SPAG1: variants seen among roughly 807,000 people sequenced by gnomAD.
The protein encoded by SPAG1 is sperm-associated antigen 1.
A neutral mutation model predicts 100.5 loss-of-function variants in SPAG1; 69 were observed. The ratio of observed to expected loss-of-function variants is 0.69; its 90% CI spans 0.57 to 0.84. The LOEUF is 0.84. Ranked by LOEUF, SPAG1 falls within the 40% of genes least tolerant of loss-of-function variation. The pLI is 0.00. For synonymous variants in SPAG1, 336 were observed against 411.6 expected, an observed-to-expected ratio of 0.82 and a Z score of 2.22; for missense variants, 955 against 1,133.1, an observed-to-expected ratio of 0.84 and a Z score of 2.26.
At chr8:100,220,145 T>C in intron 12 of SPAG1, 134 bp from the exon 13 acceptor site, 3 of 676,870 alleles carry the variant, frequency 4.4e-6, no homozygotes, top group Non-Finnish European at 7.1e-6. Flanking sequence ...TTCTGGCATG[T>C]TGCCTGGTTC....
At chr8:100,189,876 G>T (rs115679311) in intron 8 of SPAG1, among the ~76,000 whole-genome samples, 3 of 152,100 alleles carry the variant, frequency 2.0e-5, no homozygotes, top group Non-Finnish European at 4.4e-5. Flanking sequence ...TATTTAAAGT[G>T]CAGTGCTACA....
At chr8:100,222,980 T>C (rs1433089880) in intron 13 of SPAG1, among the ~76,000 whole-genome samples, 1 of 152,148 alleles carries the variant, frequency 6.6e-6, no homozygotes, top group East Asian at 1.9e-4. Flanking sequence ...TCTCTACGGG[T>C]TTATCTGTTC....
In SPAG1 at chr8:100,229,418, C is replaced by T. The variant is rs568178763; in HGVS notation, c.1856-1738C>T. Among the ~76,000 whole-genome samples the T allele has an allele frequency of 3.3e-5, 5 of 151,984 alleles. No homozygotes were observed. The East Asian group carries it at 5.8e-4, about 18-fold the overall frequency. On this transcript the variant is annotated intron_variant, in intron 14 of 18. Transcript: ENST00000388798. ...CAGCCCGGGCGACAGAGCGAGACTC[C>T]GTCTCAAAAAACAAAACAAAACAAA...
intron 14 of SPAG1, among the ~76,000 whole-genome samples, chr8:100,229,279 G>A (rs1321816258): frequency 6.6e-6 from 1 of 152,138 alleles, no homozygotes; most frequent in African/African-American, 2.4e-5. Flanking sequence ...AATTAGCCGG[G>A]CGTGGTGGTG....
chr8:100,194,780 T>C (rs1235693579), intron 10 of SPAG1: 1 of 171,566 alleles, frequency 5.8e-6, no homozygotes, highest in East Asian at 1.5e-4. Context: ...CTAGACTAGA[T>C]AAAGGGTTAT....
chr8:100,170,932 T>G (rs552709666), intron 3 of SPAG1, among the ~76,000 whole-genome samples: 1 of 152,232 alleles, frequency 6.6e-6, no homozygotes, highest in East Asian at 1.9e-4. Context: ...TTTCCCAGTC[T>G]TACAGGGAAA....
At chr8:100,215,469 T>C (rs2132363932) in intron 12 of SPAG1, among the ~76,000 whole-genome samples, 1 of 152,354 alleles carries the variant, frequency 6.6e-6, no homozygotes, top group Non-Finnish European at 1.5e-5. Context: ...CAGTAAATTA[T>C]GTGGACACTG....
chr8:100,209,108 A>G (rs938973234), intron 10 of SPAG1, among the ~76,000 whole-genome samples: 1 of 152,126 alleles, frequency 6.6e-6, no homozygotes, highest in African/African-American at 2.4e-5. Flanking sequence ...AAAAACATGA[A>G]AAGGAGAGAC....
intron 15 of SPAG1, among the ~76,000 whole-genome samples, chr8:100,232,632 TCTC>T (rs1472342544): frequency 6.6e-6 from 1 of 152,150 alleles, no homozygotes; most frequent in Admixed American, 6.5e-5. Flanking sequence ...GCCACTGTCC[TCTC>T]CTCCTAAATG....
chr8:100,232,871 C>T (rs905060945), intron 15 of SPAG1, among the ~76,000 whole-genome samples: 4 of 152,210 alleles, frequency 2.6e-5, no homozygotes, highest in African/African-American at 9.7e-5. Context: ...CCCTGCATTC[C>T]AGCCATATGG....
intron 4 of SPAG1, among the ~76,000 whole-genome samples, chr8:100,181,221 T>C (rs1816353409): frequency 6.6e-6 from 1 of 151,088 alleles, no homozygotes; most frequent in Admixed American, 6.6e-5. Flanking sequence ...ATTGAAAATC[T>C]TCTTCTTCTT....
rs554224452 is a variant in SPAG1 at position 100,217,468 on chromosome 8, G to C, written c.1536-2811G>C. Among the ~76,000 whole-genome samples the C allele has an allele frequency of 2.0e-5, 3 of 152,152 alleles. No individual in the cohort carries two copies. The South Asian group carries it at 6.2e-4, about 32-fold the overall frequency. ...ATTTGGAGTGCAGAGTTGGGGTTGG[G>C]GGGGTGTTGAAGATCTTGAAGGTCT... On this transcript the variant is annotated intron_variant, in intron 12 of 18. Coordinates refer to ENST00000388798, the MANE Select transcript of SPAG1 (RefSeq NM_003114.5).
chr8:100,240,308 T>C, intron 17 of SPAG1, 95 bp from the exon 18 acceptor site: 2 of 1,210,336 alleles, frequency 1.7e-6, no homozygotes, highest in South Asian at 1.5e-5. Context: ...TACAGTCTAC[T>C]TGTAGTTTTC....
chr8:100,220,244 A>C, intron 12 of SPAG1, 35 bp from the exon 13 acceptor site: 1 of 1,582,054 alleles, frequency 6.3e-7, no homozygotes, highest in South Asian at 1.1e-5. Context: ...GCATTTTTCA[A>C]AACAAATGGT....
chr8:100,191,227 G>A (rs1232466381), intron 8 of SPAG1, among the ~76,000 whole-genome samples, 163 bp from the exon 9 acceptor site: 1 of 152,096 alleles, frequency 6.6e-6, no homozygotes, highest in Non-Finnish European at 1.5e-5. Flanking sequence ...GTACCTCAGT[G>A]TCATCTCCTA....
intron 16 of SPAG1, 147 bp downstream of exon 16, chr8:100,233,684 G>A: frequency 1.4e-6 from 1 of 710,704 alleles, no homozygotes; most frequent in Non-Finnish European, 2.2e-6. Context: ...CTAAAACCTT[G>A]ATAGAGGCCT....
chr8:100,159,680 T>C (rs915151799), intron 1 of SPAG1, among the ~76,000 whole-genome samples: 2 of 152,274 alleles, frequency 1.3e-5, no homozygotes, highest in African/African-American at 4.8e-5. Context: ...TAAAAGTTTG[T>C]ATAAAGCAAT....
At chr8:100,223,638 C>T (rs900986450) in intron 13 of SPAG1, among the ~76,000 whole-genome samples, 2 of 150,814 alleles carry the variant, frequency 1.3e-5, no homozygotes, top group Non-Finnish European at 2.9e-5. Context: ...CTTCCATTAA[C>T]CATATGCCTC....
Position 100,213,934 on chromosome 8 carries a change from T to C in SPAG1, c.1535+16T>C, listed in dbSNP as rs772920023. ...ATTGTAACAGGTAAACTGCACGTTT[T>C]CAGGTTTGTCAAGAGATTGTTATAA... On this transcript the variant is annotated intron_variant, in intron 12 of 18. Coordinates refer to ENST00000388798, the MANE Select transcript of SPAG1 (RefSeq NM_003114.5). 1.6e-5 allele frequency: 23 copies of C among 1,404,292 alleles called. No individual in the cohort carries two copies. The highest frequency in any genetic ancestry group is 2.3e-5 in the Non-Finnish European group (23 of 1,001,040). 87.0% of individuals were successfully genotyped at this position (1,404,292 alleles called of 1,614,324 possible).
Sources: allele counts gnomAD v4.1 joint callset (sites outside exome capture counted in the v4.1 genomes callset), GRCh38; gene constraint gnomAD v4.1.1; transcripts MANE v1.5; gene names NCBI Gene and HGNC (gene_info 2026-07-23, HGNC 2026-07-21).